The following KPNA1 variants were observed in gnomAD, a reference collection of about 807,000 sequenced individuals.
The protein encoded by KPNA1 is karyopherin subunit alpha 1, also known as importin subunit alpha-5.
Under a neutral mutation model 70.5 loss-of-function variants are expected in KPNA1, and 10 were observed. That is an observed-to-expected ratio of 0.14 (90% CI 0.09 to 0.24). The LOEUF (loss-of-function observed/expected upper bound fraction) is 0.24, where lower values mean the gene tolerates loss of function less well. KPNA1 is among the 10% of genes least tolerant of loss of function. KPNA1 has a pLI of 1.00. For missense variants in KPNA1, 397 were observed against 637.9 expected (o/e 0.62, Z 4.07); for synonymous variants, 192 against 221.9 (o/e 0.87, Z 1.20).
At chr3:122,479,920 C>T (rs1336324212) in intron 2 of KPNA1, among the ~76,000 whole-genome samples, 5 of 152,162 alleles carry the variant, frequency 3.3e-5, no homozygotes, top group African/African-American at 9.7e-5. Context: ...ATCCAGATGT[C>T]TTTCAGCAGG....
At chr3:122,427,883 A>G (rs1195051921) in intron 12 of KPNA1, among the ~76,000 whole-genome samples, 167 bp from the exon 13 acceptor site, 1 of 152,142 alleles carries the variant, frequency 6.6e-6, no homozygotes, top group Admixed American at 6.5e-5. Context: ...ACAAAAACAA[A>G]AAACCCTCTA....
chr3:122,468,680 A>C (rs2076408660), intron 2 of KPNA1, among the ~76,000 whole-genome samples: 1 of 152,254 alleles, frequency 6.6e-6, no homozygotes, highest in East Asian at 1.9e-4. Flanking sequence ...AACTACGATT[A>C]ATATGCTAAG....
At chr3:122,503,377 T>C (rs943655516) in intron 1 of KPNA1, among the ~76,000 whole-genome samples, 4 of 152,210 alleles carry the variant, frequency 2.6e-5, no homozygotes, top group African/African-American at 9.7e-5. Flanking sequence ...TTTTTGTAGT[T>C]TGAAATGATT....
chr3:122,452,701 CGGAGAGACGGAGGGAA>C (rs2076221615), intron 6 of KPNA1, among the ~76,000 whole-genome samples: 2 of 69,320 alleles, frequency 2.9e-5, no homozygotes, highest in Non-Finnish European at 2.8e-5. Flanking sequence ...GAGGGAGAGA[CGGAGAGACGGAGGGAA>C]GGAGGGAAGG....
At position 122,453,971 on chromosome 3, in the gene KPNA1, C is replaced by G; in HGVS notation, c.463G>C (p.Ala155Pro). The G allele has an allele frequency of 6.2e-7, 1 of 1,609,922 alleles. No individual in the cohort carries two copies. The highest frequency in any genetic ancestry group is 8.5e-7 in the Non-Finnish European group (1 of 1,176,924). ...FESAWVLTNIASGNSLQTRIV... is the reference protein window; with the variant it reads ...FESAWVLTNIPSGNSLQTRIV... The stretch of plus-strand genomic sequence containing the variant: ...CGGGTCTGAAGAGAATTTCCTGAAG[C>G]AATATTTGTCAGTACCCAAGCTGAT... The change falls in exon 6 of 14, where the codon GCT becomes CCT. Residue 155 changes from alanine to proline, a missense_variant. Ala to Pro is a conservative substitution (Grantham distance 27). Transcript: ENST00000344337.
chr3:122,500,726 A>T (rs1472019536), intron 1 of KPNA1, among the ~76,000 whole-genome samples: 1 of 151,714 alleles, frequency 6.6e-6, no homozygotes, highest in Non-Finnish European at 1.5e-5. Flanking sequence ...CTGGTCTCGA[A>T]CTCCTGGGCT....
intron 5 of KPNA1, chr3:122,457,654 T>G: frequency 1.1e-5 from 13 of 1,208,446 alleles, no homozygotes; most frequent in Non-Finnish European, 1.4e-5. Flanking sequence ...CTTCCCTTTC[T>G]TAGTCTCTAC....
At position 122,490,756 on chromosome 3, in the gene KPNA1, G is replaced by A. The variant is rs185162330; in HGVS notation, c.129+5681C>T. Among the ~76,000 whole-genome samples the A allele has an allele frequency of 8.0e-4, 122 of 152,286 alleles. 1 individual carries two copies. The Middle Eastern group carries it at 0.01, about 13-fold the overall frequency. On this transcript the variant is annotated intron_variant, in intron 2 of 13. Coordinates refer to ENST00000344337, the MANE Select transcript of KPNA1 (RefSeq NM_002264.4). ...AATTTGCTATTTCTAGGCCTTCTCA[G>A]GACAGAGCTGGTGTTTTGTTTTATT...
chr3:122,475,585 G>A (rs987278230), intron 2 of KPNA1, among the ~76,000 whole-genome samples: 2 of 151,648 alleles, frequency 1.3e-5, no homozygotes, highest in Non-Finnish European at 1.5e-5. Context: ...GCTTCACACT[G>A]ACTGATTTCA....
intron 2 of KPNA1, among the ~76,000 whole-genome samples, chr3:122,491,337 T>C (rs190318146): frequency 1.3e-5 from 2 of 152,188 alleles, no homozygotes; most frequent in East Asian, 1.9e-4. Flanking sequence ...ATATTTGACT[T>C]AGAACAGCAA....
chr3:122,463,531 A>G (rs1366291254), intron 4 of KPNA1, among the ~76,000 whole-genome samples: 2 of 151,392 alleles, frequency 1.3e-5, no homozygotes, highest in African/African-American at 2.4e-5. Context: ...AAAAAAAAAA[A>G]GGTAATCACC....
intron 2 of KPNA1, among the ~76,000 whole-genome samples, chr3:122,483,534 G>A (rs1358518975): frequency 2.6e-5 from 4 of 151,990 alleles, no homozygotes; most frequent in African/African-American, 7.3e-5. Context: ...TAGTAGAAAC[G>A]GGGCTTCAAC....
At chr3:122,469,472 G>A (rs564489537) in intron 2 of KPNA1, among the ~76,000 whole-genome samples, 58 of 152,282 alleles carry the variant, frequency 3.8e-4, no homozygotes, top group South Asian at 1.4e-3. Context: ...ACACTTACAC[G>A]CAGACATATA....
chr3:122,422,810 G>A lies in KPNA1; in HGVS notation c.*4175C>T, dbSNP rs2075777112. 6.6e-6 allele frequency: 1 copy of A among 152,226 alleles called. No homozygotes were observed. Among genetic ancestry groups the A allele is most frequent in the South Asian group, 2.1e-4 (1 of 4,836 alleles). The allele number at this position is 152,226 out of a possible 1,614,324, so 9.4% of individuals were successfully genotyped here. On this transcript the variant is annotated 3_prime_UTR_variant, in exon 14 of 14. Coordinates refer to ENST00000344337, the MANE Select transcript of KPNA1 (RefSeq NM_002264.4). ...TTAGCCAGGTATCTGGTGTACAATAGATGATCAAATAAAGACATGTTACCT... is the reference window on the plus strand; with the variant it reads ...TTAGCCAGGTATCTGGTGTACAATAAATGATCAAATAAAGACATGTTACCT...
At chr3:122,512,160 A>G (rs1483085547) in intron 1 of KPNA1, among the ~76,000 whole-genome samples, 1 of 152,138 alleles carries the variant, frequency 6.6e-6, no homozygotes, top group Non-Finnish European at 1.5e-5. Context: ...CAAAGTATAG[A>G]GAAACAGGAT....
chr3:122,451,864 A>C, intron 7 of KPNA1, 112 bp downstream of exon 7: 1 of 769,740 alleles, frequency 1.3e-6, no homozygotes, highest in Non-Finnish European at 2.2e-6. Flanking sequence ...TGGAATTAAA[A>C]ATAACACTAG....
chr3:122,499,168 T>C (rs572590096), intron 1 of KPNA1, among the ~76,000 whole-genome samples: 2 of 152,334 alleles, frequency 1.3e-5, no homozygotes, highest in East Asian at 1.9e-4. Flanking sequence ...CTTTCCAATT[T>C]TGATGTCTTT....
At chr3:122,487,074 A>G (rs907083836) in intron 2 of KPNA1, among the ~76,000 whole-genome samples, 6 of 152,188 alleles carry the variant, frequency 3.9e-5, no homozygotes. Flanking sequence ...CCTCTATAAA[A>G]GTAATGGATC....
At chr3:122,493,160 G>C (rs955158118) in intron 2 of KPNA1, among the ~76,000 whole-genome samples, 7 of 152,144 alleles carry the variant, frequency 4.6e-5, no homozygotes, top group African/African-American at 1.7e-4. Context: ...GAACTGTCCA[G>C]CTCTATTCAC....
Sources: gnomAD v4.1 joint callset for allele counts (sites outside exome capture counted in the v4.1 genomes callset) on GRCh38, gnomAD v4.1.1 for gene constraint, MANE v1.5 for transcripts, NCBI Gene and HGNC (gene_info 2026-07-23, HGNC 2026-07-21) for gene names.